The following BLTP1 variants were observed in gnomAD, a reference collection of about 807,000 sequenced individuals.
BLTP1 encodes the protein fragile site-associated protein.
chr4:122,289,845 G>T, the BLTP1 span: 5 of 952,530 alleles, frequency 5.2e-6, no homozygotes, highest in Non-Finnish European at 6.3e-6. Flanking sequence ...AAGTATCTAG[G>T]TATTCACTTA....
At chr4:122,262,683 C>CAGTAAT in the BLTP1 span, 1 of 1,475,246 alleles carries the variant, frequency 6.8e-7, no homozygotes, top group Non-Finnish European at 9.1e-7. Context: ...GTTATAGCAA[C>CAGTAAT]AGTAATAGTA....
At chr4:122,293,121 A>T in the BLTP1 span, 7 of 964,058 alleles carry the variant, frequency 7.3e-6, no homozygotes, top group African/African-American at 5.3e-5. Context: ...AGTATAGAGG[A>T]TATGATGCAC....
chr4:122,161,177 A>T, the BLTP1 span: 1 of 965,294 alleles, frequency 1.0e-6, no homozygotes, highest in Non-Finnish European at 1.2e-6. Flanking sequence ...AGAAGACTTT[A>T]ATATAATGGT....
At chr4:122,247,732 G>A in the BLTP1 span, 1 of 1,008,706 alleles carries the variant, frequency 9.9e-7, no homozygotes, top group Non-Finnish European at 1.2e-6. Context: ...GTGTTAGAAA[G>A]AATTAATTGT....
the BLTP1 span, chr4:122,336,601 T>C: frequency 1.0e-6 from 1 of 967,474 alleles, no homozygotes. Flanking sequence ...ACATAAGTTC[T>C]ACATCCTTAG....
At chr4:122,200,711 A>G in the BLTP1 span, 1 of 983,000 alleles carries the variant, frequency 1.0e-6, no homozygotes, top group African/African-American at 1.7e-5. Flanking sequence ...AGGAGAAATT[A>G]GGGATGTCGG....
At chr4:122,264,447 C>T in the BLTP1 span, 2 of 1,575,594 alleles carry the variant, frequency 1.3e-6, no homozygotes, top group Non-Finnish European at 1.7e-6. Context: ...CCTGCTTTTT[C>T]CTAATTATAA....
At chr4:122,271,477 A>G in the BLTP1 span, 1 of 1,613,674 alleles carries the variant, frequency 6.2e-7, no homozygotes, top group South Asian at 1.1e-5. Context: ...ACAAAAAGGA[A>G]TCTCGAAACA....
the BLTP1 span, among the ~76,000 whole-genome samples, chr4:122,290,691 G>T: frequency 6.7e-6 from 1 of 148,646 alleles, no homozygotes; most frequent in Non-Finnish European, 1.5e-5. Flanking sequence ...GGAGGCTGAG[G>T]CAGGAGAATG....
the BLTP1 span, chr4:122,264,357 G>C: frequency 3.1e-6 from 5 of 1,611,550 alleles, no homozygotes; most frequent in African/African-American, 5.3e-5. Flanking sequence ...CATAGCACCA[G>C]TCAGGATGAT....
At chr4:122,324,033 G>T in the BLTP1 span, among the ~76,000 whole-genome samples, 15 of 152,126 alleles carry the variant, frequency 9.9e-5, no homozygotes, top group East Asian at 2.7e-3. Flanking sequence ...CTACAAACGG[G>T]ATGCCCTTGG....
chr4:122,253,407 G>A, the BLTP1 span, among the ~76,000 whole-genome samples: 1 of 152,012 alleles, frequency 6.6e-6, no homozygotes, highest in Admixed American at 6.6e-5. Context: ...GAAATTCAAG[G>A]TAACACAGAG....
chr4:122,316,625 TG>T, the BLTP1 span: 12 of 1,384,966 alleles, frequency 8.7e-6, no homozygotes, highest in Non-Finnish European at 1.2e-5. Flanking sequence ...TTAATATAGA[TG>T]GTTTTGATTC....
chr4:122,178,703 A>G, the BLTP1 span, among the ~76,000 whole-genome samples: 25 of 152,160 alleles, frequency 1.6e-4, no homozygotes, highest in African/African-American at 5.8e-4. Flanking sequence ...TTCCATTATT[A>G]TCTCATTTAT....
At chr4:122,224,764 G>C in the BLTP1 span, 1 of 1,605,156 alleles carries the variant, frequency 6.2e-7, no homozygotes, top group Admixed American at 1.7e-5. Context: ...ATGCCTGTTT[G>C]AATGTTCATT....
the BLTP1 span, chr4:122,298,559 A>G: frequency 2.2e-5 from 11 of 502,548 alleles, no homozygotes; most frequent in African/African-American, 1.5e-4. Flanking sequence ...TTCCATAGTT[A>G]CTTATTCAGA....
chr4:122,157,940 C>T, the BLTP1 span, among the ~76,000 whole-genome samples: 2 of 152,118 alleles, frequency 1.3e-5, no homozygotes, highest in Non-Finnish European at 1.5e-5. Context: ...CCATTTTCCC[C>T]TCCCTGTCTC....
At chr4:122,237,013 C>G in the BLTP1 span, 6 of 985,100 alleles carry the variant, frequency 6.1e-6, no homozygotes, top group Non-Finnish European at 7.2e-6. Flanking sequence ...GCACTATGTT[C>G]CTGTATCACT....
the BLTP1 span, among the ~76,000 whole-genome samples, chr4:122,169,213 C>T: frequency 3.9e-5 from 6 of 152,088 alleles, no homozygotes; most frequent in Admixed American, 3.3e-4. Flanking sequence ...CCTTTGCCTC[C>T]CAAAGCACTG....
Sources: gnomAD v4.1 joint callset for allele counts (sites outside exome capture counted in the v4.1 genomes callset) on GRCh38, gnomAD v4.1.1 for gene constraint, MANE v1.5 for transcripts, NCBI Gene and HGNC (gene_info 2026-07-23, HGNC 2026-07-21) for gene names.